The following GRIK4 variants were observed in gnomAD, a reference collection of about 807,000 sequenced individuals.
GRIK4 encodes glutamate receptor ionotropic, kainate 4.
GRIK4 carries 40 observed loss-of-function variants against 104.9 expected under a neutral mutation model. That is an observed-to-expected ratio of 0.38 (90% confidence interval 0.30 to 0.50). The LOEUF (loss-of-function observed/expected upper bound fraction) is 0.50, where lower values mean the gene tolerates loss of function less well. Ranked by LOEUF, GRIK4 falls within the 20% of genes least tolerant of loss-of-function variation. GRIK4 has a pLI of 0.93. For synonymous variants in GRIK4, 485 were observed against 524.9 expected, an observed-to-expected ratio of 0.92 and a Z score of 1.04; for missense variants, 1,047 against 1,308.1, an observed-to-expected ratio of 0.80 and a Z score of 3.08.
chr11:120,817,838 A>T (rs1236057696), intron 5 of GRIK4, among the ~76,000 whole-genome samples: 1 of 152,156 alleles, frequency 6.6e-6, no homozygotes, highest in Non-Finnish European at 1.5e-5. Flanking sequence ...GCACAACTCC[A>T]AGAGCTTTGC....
At chr11:120,806,261 T>G (rs1284164349) in intron 4 of GRIK4, among the ~76,000 whole-genome samples, 1 of 152,198 alleles carries the variant, frequency 6.6e-6, no homozygotes, top group Non-Finnish European at 1.5e-5. Flanking sequence ...GGCAGCACTG[T>G]CTCCAGGGCT....
chr11:120,769,067 G>A (rs571294980), intron 3 of GRIK4, among the ~76,000 whole-genome samples: 4 of 152,256 alleles, frequency 2.6e-5, no homozygotes, highest in South Asian at 2.1e-4. Context: ...GTATTTGGAC[G>A]TATTCCCTCT....
At chr11:120,917,222 G>A (rs1341437880) in intron 13 of GRIK4, among the ~76,000 whole-genome samples, 1 of 127,718 alleles carries the variant, frequency 7.8e-6, no homozygotes, top group Non-Finnish European at 1.6e-5. Context: ...ACTCCAGCCT[G>A]GGTAACAAGA....
At position 120,513,902 on chromosome 11, in the gene GRIK4, C is replaced by G. The variant is rs1185643060; in HGVS notation, c.-159+2015C>G. On this transcript the variant is annotated intron_variant, in intron 1 of 20. Coordinates refer to ENST00000527524, the MANE Select transcript of GRIK4 (RefSeq NM_014619.5). The surrounding 1 kb of genome is among the most constrained non-coding windows in gnomAD (Gnocchi z 4.5). ...CCAGCAATGAAAATTCTTCCGAGAG[C>G]CTGGGTCGGCTTCGTGGTCTGATTT... Among the ~76,000 whole-genome samples the G allele has an allele frequency of 1.3e-5, 2 of 152,208 alleles. No homozygotes were observed. Among genetic ancestry groups the G allele is most frequent in the Non-Finnish European group, 1.5e-5 (1 of 68,036 alleles).
intron 12 of GRIK4, among the ~76,000 whole-genome samples, chr11:120,900,294 G>A (rs1034637524): frequency 6.6e-6 from 1 of 152,202 alleles, no homozygotes; most frequent in Non-Finnish European, 1.5e-5. Flanking sequence ...CCAGAAAAGT[G>A]GGTTGGGTCC....
At chr11:120,662,017 T>C (rs1949825420) in intron 3 of GRIK4, among the ~76,000 whole-genome samples, 1 of 152,192 alleles carries the variant, frequency 6.6e-6, no homozygotes, top group South Asian at 2.1e-4. Flanking sequence ...CCTCTCTAAA[T>C]GAGTGAATAA....
chr11:120,879,215 C>T (rs1013209120), intron 11 of GRIK4, among the ~76,000 whole-genome samples: 1 of 152,178 alleles, frequency 6.6e-6, no homozygotes, highest in African/African-American at 2.4e-5. Context: ...TCCTCACTTT[C>T]CTGGAATCCC....
At chr11:120,857,367 C>T (rs1177497125) in intron 8 of GRIK4, among the ~76,000 whole-genome samples, 6 of 152,176 alleles carry the variant, frequency 3.9e-5, no homozygotes, top group Admixed American at 1.3e-4. Context: ...AGCCATTATC[C>T]GTGAAGCATT....
At chr11:120,856,014 A>G (rs1954096383) in intron 8 of GRIK4, among the ~76,000 whole-genome samples, 1 of 152,224 alleles carries the variant, frequency 6.6e-6, no homozygotes, top group South Asian at 2.1e-4. Flanking sequence ...GACCAGGAAA[A>G]GGAAGGAGAT....
At chr11:120,886,323 G>A (rs1259835451) in intron 11 of GRIK4, among the ~76,000 whole-genome samples, 1 of 152,112 alleles carries the variant, frequency 6.6e-6, no homozygotes, top group African/African-American at 2.4e-5. Flanking sequence ...CTTTTTCTTG[G>A]TAATGTTTCT....
At chr11:120,786,643 G>C (rs929479106) in intron 3 of GRIK4, among the ~76,000 whole-genome samples, 13 of 151,994 alleles carry the variant, frequency 8.6e-5, no homozygotes, top group African/African-American at 3.1e-4. Flanking sequence ...CATTTCAACT[G>C]GGTCCAAACA....
chr11:120,905,382 G>A lies in GRIK4; in HGVS notation c.1365G>A (p.Leu455=). 6.2e-7 allele frequency: 1 copy of A among 1,614,038 alleles called. No homozygotes were observed. The highest frequency in any genetic ancestry group is 2.2e-5 in the East Asian group (1 of 44,890). The change falls in exon 13 of 21, where the codon CTG becomes CTA. Residue 455 remains leucine, a synonymous_variant. Coordinates refer to ENST00000527524, the MANE Select transcript of GRIK4 (RefSeq NM_014619.5). This position sits in a 1 kb window ranked among gnomAD's most constrained non-coding sequence, Gnocchi z 5.1. ...TCTGTGTGGACATGCTCAAGGAGCT[G>A]GCAGAGATCCTCCGATTCAACTACA... is the stretch of plus-strand genomic sequence containing the variant. The part of the protein sequence containing the change: ...EGFCVDMLKE[L]AEILRFNYKI...
chr11:120,874,542 C>G (rs1954720260), intron 10 of GRIK4, among the ~76,000 whole-genome samples: 1 of 152,170 alleles, frequency 6.6e-6, no homozygotes, highest in Non-Finnish European at 1.5e-5. Flanking sequence ...AAGCTCCACA[C>G]AGCTGGGAAA....
chr11:120,589,421 C>T (rs947930570), intron 1 of GRIK4, among the ~76,000 whole-genome samples: 1 of 152,160 alleles, frequency 6.6e-6, no homozygotes, highest in Admixed American at 6.5e-5. Flanking sequence ...GAGGGCTTGA[C>T]AGATTGGATA....
intron 3 of GRIK4, among the ~76,000 whole-genome samples, chr11:120,717,391 T>C (rs2846109): frequency 0.099 from 15,092 of 152,202 alleles, 765 homozygotes; most frequent in South Asian, 0.13. Context: ...CTACTTCTCC[T>C]GTCCCTTGAA....
rs190710056 is a variant in GRIK4, at chr11:120,761,998, G to A, written c.83-40695G>A. On this transcript the variant is annotated intron_variant, in intron 3 of 20. Transcript: ENST00000527524. ...TAATTCTGTGAAGAAAGTCAATGGT[G>A]GCTTGATGTTAATAGCATTGAATCT... 7.2e-4 allele frequency among the ~76,000 whole-genome samples: 110 copies of A among 152,148 alleles called. 1 individual carries two copies. Among genetic ancestry groups the A allele is most frequent in the Middle Eastern group, 6.8e-3 (2 of 294 alleles).
At chr11:120,713,870 G>A (rs1434361822) in intron 3 of GRIK4, among the ~76,000 whole-genome samples, 1 of 152,188 alleles carries the variant, frequency 6.6e-6, no homozygotes, top group Admixed American at 6.5e-5. Flanking sequence ...TTTACAGAGG[G>A]GGAAATTGAG....
At chr11:120,566,666 G>A (rs933530608) in intron 1 of GRIK4, among the ~76,000 whole-genome samples, 8 of 151,996 alleles carry the variant, frequency 5.3e-5, no homozygotes, top group Non-Finnish European at 2.9e-5. Context: ...GGAGAGTCTA[G>A]GGACATATCA....
chr11:120,638,099 C>T (rs1949422266), intron 1 of GRIK4, among the ~76,000 whole-genome samples: 2 of 152,096 alleles, frequency 1.3e-5, no homozygotes, highest in African/African-American at 4.8e-5. Context: ...AGGCTGGTCT[C>T]GAACTCCTGA....
Sources: allele counts gnomAD v4.1 joint callset (sites outside exome capture counted in the v4.1 genomes callset), GRCh38; gene constraint gnomAD v4.1.1; non-coding constraint Gnocchi (gnomAD v3.1); transcripts MANE v1.5; gene names NCBI Gene and HGNC (gene_info 2026-07-23, HGNC 2026-07-21).